RSAD1: variants seen among roughly 807,000 people sequenced by gnomAD.
RSAD1 encodes the protein radical S-adenosyl methionine domain-containing protein 1, mitochondrial.
In RSAD1, 34 loss-of-function variants were observed where a neutral mutation model predicts 46.2. The observed-to-expected ratio is 0.74, with a 90% confidence interval of 0.56 to 0.98. The LOEUF is 0.98. Among genes scored for constraint, RSAD1 ranks in the 50% least tolerant of loss-of-function variants. The probability of loss-of-function intolerance (pLI) is 0.00; values close to 1 mark genes in which losing one functional copy is unlikely to be tolerated. For missense variants in RSAD1, 635 were observed against 592.3 expected (o/e 1.07, Z -0.75); for synonymous variants, 260 against 253.5 (o/e 1.03, Z -0.24).
rs201895940 is a variant in RSAD1 at position 50,482,640 on chromosome 17, C to T, written c.841-3C>T. The T allele has an allele frequency of 1.6e-4, 266 of 1,614,178 alleles. 3 individuals carry two copies. The Admixed American group carries it at 4.4e-3, about 27-fold the overall frequency. The stretch of plus-strand genomic sequence containing the variant: ...CTCTGCACTATTTCCTCCCTCCCCG[C>T]AGGGGGCGCTCAGTACCCACAATTG... On this transcript the variant is annotated splice_polypyrimidine_tract_variant and splice_region_variant and intron_variant, in intron 4 of 8. Coordinates refer to ENST00000258955, the MANE Select transcript of RSAD1 (RefSeq NM_018346.3).
chr17:50,483,307 CA>C, intron 5 of RSAD1, 32 bp from the exon 6 acceptor site: 1 of 1,607,922 alleles, frequency 6.2e-7, no homozygotes, highest in Non-Finnish European at 8.5e-7. Flanking sequence ...TATTAACAGC[CA>C]TTAATGTGGG....
rs776062298 is a variant in RSAD1 at position 50,484,809 on chromosome 17, A to C, written c.1277A>C (p.Gln426Pro). The C allele has an allele frequency of 1.9e-6, 3 of 1,613,930 alleles. No individual in the cohort carries two copies. The highest frequency in any genetic ancestry group is 2.5e-6 in the Non-Finnish European group (3 of 1,179,996). Residue 426 changes from glutamine (Q) to proline (P), a missense_variant, in exon 9 of 9, where the codon CAG becomes CCG. Physicochemically the swap from Gln to Pro is moderately conservative, Grantham distance 76. Coordinates refer to ENST00000258955, the MANE Select transcript of RSAD1 (RefSeq NM_018346.3). ...TCTCTCTTGCTGACCCTCCTGCCTC[A>C]GCTCCAAGAAGCCTGGCAGCAGAGA... ...LDSLLLTLLP[Q>P]LQEAWQQRTP...
rs1248919069 is a variant in RSAD1, at chr17:50,483,581, C to T, written c.1052+94C>T. ...TCTTTTATTTCCTGTCTTGTCCTGG[C>T]CCCTGCCTTGCCACATACTGTATGG... On this transcript the variant is annotated intron_variant, in intron 6 of 8. Transcript: ENST00000258955. 2.5e-6 allele frequency: 4 copies of T among 1,588,896 alleles called. No homozygotes were observed. The African/African-American group carries it at 4.0e-5, about 16-fold the overall frequency.
chr17:50,478,952 G>A lies in RSAD1; in HGVS notation c.68G>A (p.Arg23His). Residue 23 changes from arginine to histidine, a missense_variant, in exon 1 of 9, where the codon CGC becomes CAC. Transcript: ENST00000258955. ...AAARAAQRRR[R>H]VENAGGSPSP... Reference sequence around the variant, plus strand: ...GCCAGAGCGGCCCAGAGGCGCCGCCGCGTGGAGAACGCAGGAGGGTCCCCG... The same window carrying A: ...GCCAGAGCGGCCCAGAGGCGCCGCCACGTGGAGAACGCAGGAGGGTCCCCG... 7.2e-7 allele frequency: 1 copy of A among 1,392,502 alleles called. No individual in the cohort carries two copies. Among genetic ancestry groups the A allele is most frequent in the Middle Eastern group, 2.5e-4 (1 of 4,008 alleles). 86.3% of individuals were successfully genotyped at this position (1,392,502 alleles called of 1,614,324 possible). A position where few individuals can be genotyped will look rare whatever the true frequency, so the allele number is the denominator to read the frequency against.
intron 5 of RSAD1, 151 bp from the exon 6 acceptor site, chr17:50,483,189 A>AAAACG: frequency 3.8e-6 from 1 of 264,316 alleles, no homozygotes; most frequent in Non-Finnish European, 5.7e-6. Context: ...AAAAAAAAAA[A>AAAACG]AAAGAAAGAA....
intron 5 of RSAD1, 147 bp from the exon 6 acceptor site, chr17:50,483,189 AAAAG>A (rs1555615309): frequency 5.8e-4 from 156 of 270,618 alleles, no homozygotes; most frequent in African/African-American, 1.4e-3. Context: ...AAAAAAAAAA[AAAAG>A]AAAGAAAGAA....
chr17:50,482,451 C>G lies in RSAD1; in HGVS notation c.835C>G (p.Arg279Gly). 1 of 1,588,692 alleles carries G rather than the reference C, an allele frequency of 6.3e-7. No homozygotes were observed. The highest frequency in any genetic ancestry group is 8.5e-7 in the Non-Finnish European group (1 of 1,170,468). Residue 279 changes from arginine (R) to glycine (G), a missense_variant, in exon 4 of 9, where the codon CGG becomes GGG. Coordinates refer to ENST00000258955, the MANE Select transcript of RSAD1 (RefSeq NM_018346.3). ...CCAGTATGAGGTCTCCAACTTTGCC[C>G]GGAATGTAAGTTCTGGGGCTGATGG... The part of the protein sequence containing the change: ...FHQYEVSNFA[R>G]NGALSTHNWT...
At position 50,478,979 on chromosome 17, in the gene RSAD1, G is replaced by A. The variant is rs138114277; in HGVS notation, c.95G>A (p.Ser32Asn). ...RRVENAGGSPSPEPAGRRAAL... is the reference protein window; with the variant it reads ...RRVENAGGSPNPEPAGRRAAL... The stretch of plus-strand genomic sequence containing the variant: ...GTGGAGAACGCAGGAGGGTCCCCGA[G>A]TCCTGAGCCTGCGGGCCGGCGCGCG... Residue 32 changes from serine (S) to asparagine (N), a missense_variant, in exon 1 of 9, where the codon AGT (serine) becomes AAT (asparagine). Ser to Asn is a conservative substitution (Grantham distance 46, BLOSUM62 1). Transcript: ENST00000258955. The A allele has an allele frequency of 2.5e-5, 35 of 1,395,890 alleles. No homozygotes were observed. The African/African-American group carries it at 3.6e-4, about 14-fold the overall frequency. 86.5% of individuals were successfully genotyped at this position (1,395,890 alleles called of 1,614,324 possible).
rs1262223931 is a variant in RSAD1, at chr17:50,479,908, A to AC, written c.303dup (p.Ser102GlnfsTer32). ...GGAGTCTGTGTTCTTTGGTGGGGGG[A>AC]CCCCCAGTCTAGCCAGTCCCCACAC... On this transcript the variant is annotated frameshift_variant, in exon 3 of 9. Transcript: ENST00000258955. LOFTEE classifies it high-confidence loss of function. 2 of 1,612,236 alleles carry AC rather than the reference A, an allele frequency of 1.2e-6. No homozygotes were observed. Among genetic ancestry groups the AC allele is most frequent in the African/African-American group, 1.3e-5 (1 of 74,578 alleles).
rs370603856 is a variant in RSAD1 at position 50,482,638 on chromosome 17, C to T, written c.841-5C>T. 2.0e-5 allele frequency: 32 copies of T among 1,613,994 alleles called. No individual in the cohort carries two copies. In the African/African-American group the frequency reaches 2.1e-4, roughly 11 times the overall value. On this transcript the variant is annotated splice_polypyrimidine_tract_variant and splice_region_variant and intron_variant, in intron 4 of 8. Transcript: ENST00000258955. ...CACTCTGCACTATTTCCTCCCTCCC[C>T]GCAGGGGGCGCTCAGTACCCACAAT...
chr17:50,480,211 C>A, intron 3 of RSAD1, 127 bp downstream of exon 3: 2 of 870,382 alleles, frequency 2.3e-6, no homozygotes, highest in Non-Finnish European at 3.7e-6. Flanking sequence ...ACAGTAGGGC[C>A]TAGTGCGACA....
At position 50,485,747 on chromosome 17, in the gene RSAD1, A is replaced by G. The variant is rs146161488; in HGVS notation, c.*886A>G. 6.6e-6 allele frequency: 1 copy of G among 152,296 alleles called. No homozygotes were observed. Among genetic ancestry groups the G allele is most frequent in the Admixed American group, 6.5e-5 (1 of 15,286 alleles). The allele number at this position is 152,296 out of a possible 1,614,324, so 9.4% of individuals were successfully genotyped here. On this transcript the variant is annotated 3_prime_UTR_variant, in exon 9 of 9. Coordinates refer to ENST00000258955, the MANE Select transcript of RSAD1 (RefSeq NM_018346.3). ...CCTTGCCTCTTATCTTCGGGAAACC[A>G]GAATATGTTTGGGGTGGTAGGAGCC... is the stretch of plus-strand genomic sequence containing the variant.
At position 50,482,629 on chromosome 17, in the gene RSAD1, C is replaced by T. The variant is rs2033395714; in HGVS notation, c.841-14C>T. 2.5e-6 allele frequency: 4 copies of T among 1,613,898 alleles called. No homozygotes were observed. The highest frequency in any genetic ancestry group is 3.4e-6 in the Non-Finnish European group (4 of 1,179,960). ...TGCCCTCTTCACTCTGCACTATTTCCTCCCTCCCCGCAGGGGGCGCTCAGT... is the reference window on the plus strand; with the variant it reads ...TGCCCTCTTCACTCTGCACTATTTCTTCCCTCCCCGCAGGGGGCGCTCAGT... On this transcript the variant is annotated splice_polypyrimidine_tract_variant and intron_variant, in intron 4 of 8. Transcript: ENST00000258955.
chr17:50,482,734 G>T lies in RSAD1; in HGVS notation c.904+28G>T. On this transcript the variant is annotated intron_variant, in intron 5 of 8. Coordinates refer to ENST00000258955, the MANE Select transcript of RSAD1 (RefSeq NM_018346.3). ...GAGTCCCGTGAACTACAGAAAGGGT[G>T]ACTCAGGAGAGGAATGTCGTGGCTG... 1.9e-6 allele frequency: 3 copies of T among 1,604,838 alleles called. No individual in the cohort carries two copies. In the South Asian group the frequency reaches 3.3e-5, roughly 18 times the overall value.
In RSAD1 at chr17:50,484,996, G is replaced by T; in HGVS notation, c.*135G>T. Reference sequence around the variant, plus strand: ...ATTGCTCAGCCCTGGCATCCCCAGGGGAATGGCAGCAGTGAGGTAGATGGG... The same window carrying T: ...ATTGCTCAGCCCTGGCATCCCCAGGTGAATGGCAGCAGTGAGGTAGATGGG... On this transcript the variant is annotated 3_prime_UTR_variant, in exon 9 of 9. Transcript: ENST00000258955. The T allele has an allele frequency of 1.5e-6, 1 of 686,076 alleles. No individual in the cohort carries two copies. Among genetic ancestry groups the T allele is most frequent in the East Asian group, 2.6e-5 (1 of 38,510 alleles). The allele number at this position is 686,076 out of a possible 1,614,324, so 42.5% of individuals were successfully genotyped here.
rs1007473387 is a variant in RSAD1, at chr17:50,478,867, C to A, written c.-18C>A. 7.9e-7 allele frequency: 1 copy of A among 1,264,638 alleles called. No individual in the cohort carries two copies. Among genetic ancestry groups the A allele is most frequent in the South Asian group, 2.9e-5 (1 of 34,396 alleles). The allele number at this position is 1,264,638 out of a possible 1,614,324, so 78.3% of individuals were successfully genotyped here. A position where few individuals can be genotyped will look rare whatever the true frequency, so the allele number is the denominator to read the frequency against. On this transcript the variant is annotated 5_prime_UTR_variant, in exon 1 of 9. Coordinates refer to ENST00000258955, the MANE Select transcript of RSAD1 (RefSeq NM_018346.3). ...GCGTCTCCTGCTCGGGTCAGTGCGCCGCGCTGCGCTGGGCGCCATGGCGCT... is the reference window on the plus strand; with the variant it reads ...GCGTCTCCTGCTCGGGTCAGTGCGCAGCGCTGCGCTGGGCGCCATGGCGCT...
In RSAD1 at chr17:50,484,731, C is replaced by G. The variant is rs1188855309; in HGVS notation, c.1212-13C>G. ...AGATGAAGTAGTCACCTTCAGGCCT[C>G]TTGGTTTTCCAGGGGTCTTCGGTGT... On this transcript the variant is annotated splice_polypyrimidine_tract_variant and intron_variant, in intron 8 of 8. Transcript: ENST00000258955. 1 of 1,610,616 alleles carries G rather than the reference C, an allele frequency of 6.2e-7. No homozygotes were observed. The highest frequency in any genetic ancestry group is 8.5e-7 in the Non-Finnish European group (1 of 1,177,276).
chr17:50,482,578 C>G, intron 4 of RSAD1, 65 bp from the exon 5 acceptor site: 2 of 1,613,252 alleles, frequency 1.2e-6, no homozygotes, highest in African/African-American at 2.7e-5. Context: ...ACCTGGGGCC[C>G]CTTACCTGAG....
intron 3 of RSAD1, among the ~76,000 whole-genome samples, chr17:50,481,870 G>A (rs1271988145): frequency 1.3e-5 from 2 of 152,144 alleles, no homozygotes; most frequent in African/African-American, 2.4e-5. Context: ...AACTAATATT[G>A]GAGGGTTACA....
Sources: gnomAD v4.1 joint callset for allele counts (sites outside exome capture counted in the v4.1 genomes callset) on GRCh38, gnomAD v4.1.1 for gene constraint, MANE v1.5 for transcripts, NCBI Gene and HGNC (gene_info 2026-07-23, HGNC 2026-07-21) for gene names.